HERC4: variants seen among roughly 807,000 people sequenced by gnomAD.
The protein encoded by HERC4 is HECT and RLD domain containing E3 ubiquitin protein ligase 4, also known as probable E3 ubiquitin-protein ligase HERC4.
In HERC4, 28 loss-of-function variants were observed where a neutral mutation model predicts 124.3. The observed-to-expected ratio is 0.23, with a 90% CI of 0.17 to 0.31. The LOEUF (loss-of-function observed/expected upper bound fraction) is 0.31. Ranked by LOEUF, HERC4 falls within the 10% of genes least tolerant of loss-of-function variation. The pLI, the probability that HERC4 is intolerant of heterozygous loss-of-function variation, is 1.00. For synonymous variants in HERC4, 407 were observed against 421.5 expected (o/e 0.97, Z 0.42); for missense variants, 713 against 1,229.3 (o/e 0.58, Z 6.28).
intron 8 of HERC4, among the ~76,000 whole-genome samples, chr10:68,024,753 T>C (rs989512559): frequency 6.6e-6 from 1 of 152,198 alleles, no homozygotes; most frequent in Non-Finnish European, 1.5e-5. Context: ...AATTAAGTTA[T>C]GTGGTCAAAA....
chr10:67,923,979 A>G (rs1018275122), intron 24 of HERC4, among the ~76,000 whole-genome samples: 2 of 152,142 alleles, frequency 1.3e-5, no homozygotes, highest in African/African-American at 4.8e-5. Context: ...TCAGTTATAA[A>G]TGAGGGAACT....
At chr10:68,065,010 A>C (rs1278428993) in intron 3 of HERC4, among the ~76,000 whole-genome samples, 1 of 152,064 alleles carries the variant, frequency 6.6e-6, no homozygotes, top group Non-Finnish European at 1.5e-5. Context: ...TACTTAAATA[A>C]ATTTTGGTAC....
intron 4 of HERC4, among the ~76,000 whole-genome samples, chr10:68,038,786 A>G (rs1298885609): frequency 6.6e-6 from 1 of 151,964 alleles, no homozygotes; most frequent in Admixed American, 6.6e-5. Flanking sequence ...GTTAAGTCTT[A>G]TTTTCTTCTG....
At chr10:67,955,290 T>A in intron 17 of HERC4, 160 bp from the exon 18 acceptor site, 1 of 584,198 alleles carries the variant, frequency 1.7e-6, no homozygotes, top group Non-Finnish European at 2.9e-6. Context: ...TAAAACTTAA[T>A]AAACTGAGCA....
chr10:67,973,755 A>C (rs1202689948), intron 15 of HERC4, among the ~76,000 whole-genome samples: 2 of 152,144 alleles, frequency 1.3e-5, no homozygotes, highest in Non-Finnish European at 2.9e-5. Flanking sequence ...GAGTAATTTT[A>C]AAAATTACTG....
intron 8 of HERC4, among the ~76,000 whole-genome samples, chr10:68,019,370 G>A (rs1018311649): frequency 9.9e-5 from 15 of 152,100 alleles, no homozygotes; most frequent in African/African-American, 3.6e-4. Flanking sequence ...TTATTATGGT[G>A]TCTATATAGT....
intron 23 of HERC4, among the ~76,000 whole-genome samples, chr10:67,931,544 C>A (rs2031811377): frequency 6.6e-6 from 1 of 152,100 alleles, no homozygotes; most frequent in Non-Finnish European, 1.5e-5. Context: ...CCTGTCTCAG[C>A]CTCCCAAGTA....
intron 15 of HERC4, among the ~76,000 whole-genome samples, chr10:67,980,865 A>G (rs2035889241): frequency 6.6e-6 from 1 of 152,232 alleles, no homozygotes; most frequent in Non-Finnish European, 1.5e-5. Flanking sequence ...TAGTATCTGC[A>G]AGCCCCATGG....
At chr10:68,034,227 T>C in intron 5 of HERC4, 41 bp from the exon 6 acceptor site, 1 of 1,418,536 alleles carries the variant, frequency 7.0e-7, no homozygotes, top group Non-Finnish European at 9.8e-7. Flanking sequence ...TTTTCTCACA[T>C]GCAAAAAATT....
intron 17 of HERC4, 35 bp from the exon 18 acceptor site, chr10:67,955,165 G>T: frequency 6.4e-7 from 1 of 1,553,758 alleles, no homozygotes. Flanking sequence ...TAACAGCAAT[G>T]CTACAATAAA....
chr10:67,966,605 C>T, intron 16 of HERC4, 78 bp downstream of exon 16: 1 of 1,429,046 alleles, frequency 7.0e-7, no homozygotes, highest in Non-Finnish European at 9.5e-7. Flanking sequence ...TTTCTCATTT[C>T]AAAACCAAGC....
Position 67,932,744 on chromosome 10 carries a change from G to T in HERC4, c.2691C>A (p.Phe897Leu). 3 of 1,604,420 alleles carry T rather than the reference G, an allele frequency of 1.9e-6. No individual in the cohort carries two copies. Among genetic ancestry groups the T allele is most frequent in the Non-Finnish European group, 2.5e-6 (3 of 1,177,898 alleles). ...EFVDAYVDYIFNKSVASLFDA... is the reference protein window; with the variant it reads ...EFVDAYVDYILNKSVASLFDA... ...CAAATAAGGAAGCCACTGATTTATT[G>T]AATATGTAATCCACATAAGCATCGA... The change falls in exon 23 of 25, where the codon TTC becomes TTA. Residue 897 changes from phenylalanine to leucine, a missense_variant. Phe to Leu is a conservative substitution (Grantham distance 22, BLOSUM62 0). Transcript: ENST00000373700.
intron 3 of HERC4, among the ~76,000 whole-genome samples, chr10:68,058,925 A>T (rs1004950979): frequency 2.6e-5 from 4 of 152,084 alleles, no homozygotes; most frequent in Admixed American, 1.3e-4. Context: ...TTCTCCATCA[A>T]TCTAACTCTC....
At chr10:67,964,295 GTC>G (rs923239864) in intron 16 of HERC4, among the ~76,000 whole-genome samples, 2 of 152,062 alleles carry the variant, frequency 1.3e-5, no homozygotes, top group East Asian at 1.9e-4. Context: ...GCATTCAACA[GTC>G]TCTCTTTCAC....
intron 16 of HERC4, among the ~76,000 whole-genome samples, chr10:67,959,468 A>T (rs2034361884): frequency 6.6e-6 from 1 of 152,174 alleles, no homozygotes; most frequent in Non-Finnish European, 1.5e-5. Flanking sequence ...GGTCTTAAAA[A>T]AAAAAATTTA....
chr10:68,059,608 T>G (rs1169672035), intron 3 of HERC4, among the ~76,000 whole-genome samples: 2 of 91,964 alleles, frequency 2.2e-5, no homozygotes, highest in African/African-American at 1.1e-4. Flanking sequence ...ATCATAATAT[T>G]ATATATCATA....
chr10:68,005,714 G>GT (rs1457089595), intron 9 of HERC4, among the ~76,000 whole-genome samples: 4 of 143,846 alleles, frequency 2.8e-5, no homozygotes, highest in Non-Finnish European at 6.1e-5. Flanking sequence ...AATTTTGTTT[G>GT]TTTTTTTGAG....
chr10:68,014,095 T>C lies in HERC4; in HGVS notation c.1000A>G (p.Asn334Asp). The C allele has an allele frequency of 6.2e-7, 1 of 1,613,804 alleles. No homozygotes were observed. The highest frequency in any genetic ancestry group is 1.3e-5 in the African/African-American group (1 of 75,036). ...TTTACAGTAAAGGGGCTTTTCCTGT[T>C]GCTTGTTGAACCGGTTCCCAGCTGC... ...NGQLGTGSTS[N>D]RKSPFTVKGN... is the part of the protein sequence containing the mutation. The change falls in exon 9 of 25, where the codon AAC becomes GAC. Residue 334 changes from asparagine (N) to aspartate (D), a missense_variant. Physicochemically the swap from Asn to Asp is conservative, Grantham distance 23. Transcript: ENST00000373700.
intron 3 of HERC4, chr10:68,068,152 C>A (rs1470715256): frequency 6.6e-6 from 1 of 152,034 alleles, no homozygotes; most frequent in Non-Finnish European, 1.5e-5. Flanking sequence ...AGTTTGAGAC[C>A]AGACTGGGCA....
Sources: gnomAD v4.1 joint callset for allele counts (sites outside exome capture counted in the v4.1 genomes callset) on GRCh38, gnomAD v4.1.1 for gene constraint, MANE v1.5 for transcripts, NCBI Gene and HGNC (gene_info 2026-07-23, HGNC 2026-07-21) for gene names.